GOLGA1: variants seen among roughly 807,000 people sequenced by gnomAD.
GOLGA1 encodes golgin subfamily A member 1.
Under a neutral mutation model 119.7 loss-of-function variants are expected in GOLGA1, and 63 were observed. The observed-to-expected ratio is 0.53, with a 90% confidence interval of 0.43 to 0.65. The LOEUF (loss-of-function observed/expected upper bound fraction) is 0.65, where lower values mean the gene tolerates loss of function less well. Ranked by LOEUF, GOLGA1 falls within the 30% of genes least tolerant of loss-of-function variation. GOLGA1 has a pLI of 0.00. For synonymous variants in GOLGA1, 318 were observed against 333.4 expected, an observed-to-expected ratio of 0.95 and a Z score of 0.50; for missense variants, 798 against 912.8, an observed-to-expected ratio of 0.87 and a Z score of 1.62.
intron 4 of GOLGA1, among the ~76,000 whole-genome samples, chr9:124,929,888 G>A (rs769746163): frequency 1.3e-5 from 2 of 152,172 alleles, no homozygotes; most frequent in Non-Finnish European, 2.9e-5. Context: ...ATGGTTTAGT[G>A]AAAACATAGT....
intron 1 of GOLGA1, chr9:124,947,655 A>G (rs1439531977): frequency 1.3e-5 from 2 of 152,360 alleles, no homozygotes; most frequent in East Asian, 3.9e-4. Context: ...CATATATACA[A>G]AAAGTATACA....
At chr9:124,916,877 C>CAAAAAAAAAAAAAAAAAAAAA (rs71494043) in intron 10 of GOLGA1, among the ~76,000 whole-genome samples, 6 of 41,212 alleles carry the variant, frequency 1.5e-4, no homozygotes, top group Admixed American at 4.1e-4. Context: ...CCCTGACACA[C>CAAAAAAAAAAAAAAAAAAAAA]AAAAAAAAAA....
At chr9:124,947,967 A>C (rs1041782397) in exon 1 of GOLGA1, 3 of 152,234 alleles carry the variant, frequency 2.0e-5, no homozygotes, top group African/African-American at 2.4e-5. Context: ...GGCTGATTAC[A>C]AGTCTCCATA....
At chr9:124,935,092 C>T (rs886775545) in intron 3 of GOLGA1, among the ~76,000 whole-genome samples, 11 of 152,116 alleles carry the variant, frequency 7.2e-5, no homozygotes, top group African/African-American at 2.7e-4. Flanking sequence ...CCCAGATAGA[C>T]TACAAGTTTG....
chr9:124,927,670 C>T (rs769223994), intron 6 of GOLGA1, among the ~76,000 whole-genome samples: 7 of 152,094 alleles, frequency 4.6e-5, no homozygotes, highest in Non-Finnish European at 1.0e-4. Flanking sequence ...AATTATTTTC[C>T]TTCCTTGTGG....
intron 11 of GOLGA1, among the ~76,000 whole-genome samples, chr9:124,909,169 T>C (rs1229092110): frequency 6.6e-6 from 1 of 151,622 alleles, no homozygotes; most frequent in Admixed American, 6.6e-5. Context: ...AAAAATTAGC[T>C]GGATGTGGTG....
chr9:124,880,433 A>C lies in GOLGA1; in HGVS notation c.*97T>G. The C allele has an allele frequency of 1.4e-6, 1 of 736,820 alleles. No individual in the cohort carries two copies. The highest frequency in any genetic ancestry group is 2.5e-6 in the Non-Finnish European group (1 of 392,858). The allele number at this position is 736,820 out of a possible 1,614,324, so 45.6% of individuals were successfully genotyped here. A position where few individuals can be genotyped will look rare whatever the true frequency, so the allele number is the denominator to read the frequency against. The stretch of plus-strand genomic sequence containing the variant: ...TTTAGACACTTGTACAAAATACTGC[A>C]GTTACAGTGATTAAAAACCCACCCA... On this transcript the variant is annotated 3_prime_UTR_variant, in exon 23 of 23. Transcript: ENST00000373555.
chr9:124,904,219 T>C (rs1029207452), intron 12 of GOLGA1, among the ~76,000 whole-genome samples: 23 of 151,474 alleles, frequency 1.5e-4, no homozygotes, highest in Non-Finnish European at 3.1e-4. Context: ...CAACAGGAGG[T>C]ATCTAGAGTG....
chr9:124,888,520 G>T lies in GOLGA1; in HGVS notation c.1762-124C>A. On this transcript the variant is annotated intron_variant, in intron 18 of 22. Transcript: ENST00000373555. The surrounding 1 kb of genome is among the most constrained non-coding windows in gnomAD (Gnocchi z 4.4). ...GGGCGTTGTGCTCCAACAGGCAACTGGCCAGGAAGCAATTCCTGGAGAAGA... is the reference window on the plus strand; with the variant it reads ...GGGCGTTGTGCTCCAACAGGCAACTTGCCAGGAAGCAATTCCTGGAGAAGA... 1 of 783,470 alleles carries T rather than the reference G, an allele frequency of 1.3e-6. No individual in the cohort carries two copies. Among genetic ancestry groups the T allele is most frequent in the Non-Finnish European group, 2.1e-6 (1 of 471,756 alleles). 48.5% of individuals were successfully genotyped at this position (783,470 alleles called of 1,614,324 possible).
chr9:124,938,799 G>A lies in GOLGA1; in HGVS notation c.-88C>T. Reference sequence around the variant, plus strand: ...GGATTCAGACAGAGGCGCCTACAAAGTTTCAGACATCCAAGCTAGCTGCAT... The same window carrying A: ...GGATTCAGACAGAGGCGCCTACAAAATTTCAGACATCCAAGCTAGCTGCAT... On this transcript the variant is annotated 5_prime_UTR_variant, in exon 3 of 23. Transcript: ENST00000373555. 8.8e-7 allele frequency: 1 copy of A among 1,139,628 alleles called. No homozygotes were observed. Among genetic ancestry groups the A allele is most frequent in the Non-Finnish European group, 1.2e-6 (1 of 808,804 alleles). 70.6% of individuals were successfully genotyped at this position (1,139,628 alleles called of 1,614,324 possible). A position where few individuals can be genotyped will look rare whatever the true frequency, so the allele number is the denominator to read the frequency against.
intron 7 of GOLGA1, 52 bp downstream of exon 7, chr9:124,926,657 T>A: frequency 8.5e-7 from 1 of 1,180,472 alleles, no homozygotes; most frequent in Non-Finnish European, 1.3e-6. Flanking sequence ...ACGTTTTCCA[T>A]ACCCCAGAGA....
At chr9:124,896,822 T>C (rs1421375866) in intron 15 of GOLGA1, among the ~76,000 whole-genome samples, 2 of 152,088 alleles carry the variant, frequency 1.3e-5, no homozygotes, top group Non-Finnish European at 1.5e-5. Context: ...GTCCTAGTTA[T>C]TCATGAGGCT....
chr9:124,880,656 GGT>G (rs1564317415), intron 22 of GOLGA1, 46 bp from the exon 23 acceptor site: 1 of 1,235,776 alleles, frequency 8.1e-7, no homozygotes, highest in East Asian at 2.4e-5. Flanking sequence ...ATCAGGACTT[GGT>G]GCCAGGGAAA....
chr9:124,910,748 G>A (rs1830323322), intron 11 of GOLGA1, among the ~76,000 whole-genome samples: 1 of 152,120 alleles, frequency 6.6e-6, no homozygotes, highest in Non-Finnish European at 1.5e-5. Flanking sequence ...CACATCAGTG[G>A]TGGTGTTAGA....
intron 9 of GOLGA1, 79 bp downstream of exon 9, chr9:124,921,644 C>A: frequency 9.0e-7 from 1 of 1,117,182 alleles, no homozygotes; most frequent in Admixed American, 2.2e-5. Context: ...GTGTAATGAA[C>A]AATGGGGAAA....
rs962599112 is a variant in GOLGA1, at chr9:124,921,064, A to G, written c.843+65T>C. 9.9e-6 allele frequency: 10 copies of G among 1,008,264 alleles called. No individual in the cohort carries two copies. In the African/African-American group the frequency reaches 1.4e-4, roughly 14 times the overall value. The allele number at this position is 1,008,264 out of a possible 1,614,324, so 62.5% of individuals were successfully genotyped here. A position where few individuals can be genotyped will look rare whatever the true frequency, so the allele number is the denominator to read the frequency against. ...GTTCAGTAGCTACTCTCAGGCAGAA[A>G]TTTCTGAAAGAATTAGTTTTTATGA... On this transcript the variant is annotated intron_variant, in intron 10 of 22. Coordinates refer to ENST00000373555, the MANE Select transcript of GOLGA1 (RefSeq NM_002077.4).
chr9:124,900,744 CTT>C (rs1301067233), intron 12 of GOLGA1, among the ~76,000 whole-genome samples, 197 bp from the exon 13 acceptor site: 1 of 152,152 alleles, frequency 6.6e-6, no homozygotes, highest in African/African-American at 2.4e-5. Context: ...CTTTTAATGA[CTT>C]TTGTTTATAG....
intron 10 of GOLGA1, among the ~76,000 whole-genome samples, chr9:124,914,815 C>A (rs1830410418): frequency 6.6e-6 from 1 of 152,238 alleles, no homozygotes; most frequent in Non-Finnish European, 1.5e-5. Context: ...ACACATCAAT[C>A]TGAATTCAAG....
chr9:124,926,743 TA>T lies in GOLGA1; in HGVS notation c.400-3del. Reference sequence around the variant, plus strand: ...CTGATCCATCTTTTCTGACCATTCCTAAAACAAAACAATAAAAAAGTATGGT... The same window carrying T: ...CTGATCCATCTTTTCTGACCATTCCTAAACAAAACAATAAAAAAGTATGGT... On this transcript the variant is annotated splice_polypyrimidine_tract_variant and splice_region_variant and intron_variant, in intron 6 of 22. Transcript: ENST00000373555. 6.5e-7 allele frequency: 1 copy of T among 1,546,872 alleles called. No individual in the cohort carries two copies. The highest frequency in any genetic ancestry group is 8.9e-7 in the Non-Finnish European group (1 of 1,125,950).
Sources: gnomAD v4.1 joint callset for allele counts (sites outside exome capture counted in the v4.1 genomes callset) on GRCh38, gnomAD v4.1.1 for gene constraint, Gnocchi (gnomAD v3.1) non-coding constraint, MANE v1.5 for transcripts, NCBI Gene and HGNC (gene_info 2026-07-23, HGNC 2026-07-21) for gene names.